INPP4B: variants seen among roughly 807,000 people sequenced by gnomAD.
INPP4B encodes inositol polyphosphate 4-phosphatase type II.
Under a neutral mutation model 122.5 loss-of-function variants are expected in INPP4B, and 55 were observed. The ratio of observed to expected loss-of-function variants is 0.45; its 90% confidence interval spans 0.36 to 0.56. The LOEUF (loss-of-function observed/expected upper bound fraction) is 0.56. INPP4B is among the 20% of genes least tolerant of loss of function. The pLI is 0.00. For synonymous variants in INPP4B, 403 were observed against 388.7 expected, an observed-to-expected ratio of 1.04 and a Z score of -0.43; for missense variants, 1,000 against 1,097.7, an observed-to-expected ratio of 0.91 and a Z score of 1.26.
intron 18 of INPP4B, among the ~76,000 whole-genome samples, chr4:142,133,378 A>G (rs1420381252): frequency 6.6e-6 from 1 of 152,168 alleles, no homozygotes; most frequent in Non-Finnish European, 1.5e-5. Context: ...CTTACCCTAA[A>G]AATAGGTACA....
intron 2 of INPP4B, among the ~76,000 whole-genome samples, chr4:142,527,520 T>G (rs1036424933): frequency 6.6e-6 from 1 of 152,086 alleles, no homozygotes; most frequent in African/African-American, 2.4e-5. Flanking sequence ...GAAGCAACGT[T>G]TCAACAGTCA....
At chr4:142,296,251 T>C (rs2172024) in intron 9 of INPP4B, among the ~76,000 whole-genome samples, 80,684 of 151,960 alleles carry the variant, frequency 0.53, 25,577 homozygotes, top group Non-Finnish European at 0.69. Flanking sequence ...GTTTCCATGG[T>C]CATACCTACA....
At chr4:142,759,825 T>TA (rs70949188) in intron 1 of INPP4B, among the ~76,000 whole-genome samples, 20,605 of 69,920 alleles carry the variant, frequency 0.29, 3,253 homozygotes, top group Non-Finnish European at 0.31. Flanking sequence ...GAGCTTTTTC[T>TA]AAAAAAAAAA....
intron 14 of INPP4B, among the ~76,000 whole-genome samples, chr4:142,197,968 C>T (rs980552722): frequency 2.6e-5 from 4 of 152,002 alleles, no homozygotes; most frequent in Admixed American, 6.6e-5. Context: ...TTAGATTTTC[C>T]ATTAGCTGCA....
At chr4:142,684,258 C>A (rs553930980) in intron 2 of INPP4B, among the ~76,000 whole-genome samples, 1 of 151,970 alleles carries the variant, frequency 6.6e-6, no homozygotes, top group South Asian at 2.1e-4. Context: ...TGAAACGATA[C>A]AAAATGAGAC....
intron 11 of INPP4B, among the ~76,000 whole-genome samples, chr4:142,246,101 T>TACACACATATATATATGTGTATGTATAC (rs1157520179): frequency 3.7e-5 from 5 of 136,964 alleles, no homozygotes; most frequent in African/African-American, 9.3e-5. Context: ...TGTGTGTGTA[T>TACACACATATATATATGTGTATGTATAC]ACACACATAT....
chr4:142,272,203 T>G (rs1210194984), intron 9 of INPP4B, among the ~76,000 whole-genome samples: 2 of 152,118 alleles, frequency 1.3e-5, no homozygotes, highest in African/African-American at 2.4e-5. Flanking sequence ...ATTAAAAGTG[T>G]CAGAAAGCAG....
At position 142,023,541 on chromosome 4, in the gene INPP4B, T is replaced by G. The variant is rs936039886; in HGVS notation, c.*5241A>C. The stretch of plus-strand genomic sequence containing the variant: ...TCATAGTTGTTTAACAAAATATTTT[T>G]AATGTTGATAGTGACATAAAAACAT... On this transcript the variant is annotated 3_prime_UTR_variant, in exon 26 of 26. Coordinates refer to ENST00000262992, the MANE Select transcript of INPP4B (RefSeq NM_001101669.3). 1 of 152,196 alleles carries G rather than the reference T, an allele frequency of 6.6e-6. No individual in the cohort carries two copies. Among genetic ancestry groups the G allele is most frequent in the African/African-American group, 2.4e-5 (1 of 41,452 alleles). The allele number at this position is 152,196 out of a possible 1,614,324, so 9.4% of individuals were successfully genotyped here.
At chr4:142,224,554 A>C (rs529428285) in intron 12 of INPP4B, among the ~76,000 whole-genome samples, 1 of 152,296 alleles carries the variant, frequency 6.6e-6, no homozygotes, top group Non-Finnish European at 1.5e-5. Flanking sequence ...AAGTAAACAC[A>C]GAGAATGTGT....
In INPP4B at chr4:142,028,711, A is replaced by G; in HGVS notation, c.*71T>C. ...CAAATTCATGACAATAAAAACAAAC[A>G]AAAAAGACCAAGGTGAAGATTATCC... On this transcript the variant is annotated 3_prime_UTR_variant, in exon 26 of 26. Coordinates refer to ENST00000262992, the MANE Select transcript of INPP4B (RefSeq NM_001101669.3). 6.7e-7 allele frequency: 1 copy of G among 1,497,330 alleles called. No homozygotes were observed. Among genetic ancestry groups the G allele is most frequent in the East Asian group, 2.3e-5 (1 of 43,496 alleles). 92.8% of individuals were successfully genotyped at this position (1,497,330 alleles called of 1,614,324 possible).
intron 23 of INPP4B, among the ~76,000 whole-genome samples, chr4:142,092,001 T>G (rs10461276): frequency 0.25 from 38,166 of 152,030 alleles, 4,821 homozygotes; most frequent in East Asian, 0.3. Context: ...GACGTCCATT[T>G]GTGTGATCCA....
chr4:142,442,533 A>G (rs2149450581), intron 3 of INPP4B, among the ~76,000 whole-genome samples: 1 of 152,244 alleles, frequency 6.6e-6, no homozygotes, highest in South Asian at 2.1e-4. Flanking sequence ...CAAACCACGG[A>G]CTAGGAAAAT....
At chr4:142,471,613 C>A (rs1818839852) in intron 2 of INPP4B, among the ~76,000 whole-genome samples, 2 of 152,194 alleles carry the variant, frequency 1.3e-5, no homozygotes, top group African/African-American at 4.8e-5. Flanking sequence ...GACGCCTTTG[C>A]CAGCTGTCAA....
chr4:142,802,380 G>A (rs1402360098), intron 1 of INPP4B, among the ~76,000 whole-genome samples: 3 of 152,034 alleles, frequency 2.0e-5, no homozygotes, highest in African/African-American at 7.2e-5. Flanking sequence ...TTTCCTGAAT[G>A]TGAGAACTAA....
At chr4:142,167,020 GACCCAGCGATCTCATTACTGGGTATCT>G (rs1823103613) in intron 16 of INPP4B, among the ~76,000 whole-genome samples, 1 of 151,782 alleles carries the variant, frequency 6.6e-6, no homozygotes. Flanking sequence ...AATACCATCT[GACCCAGCGATCTCATTACTGGGTATCT>G]ACCCAAAGGA....
chr4:142,512,479 ATTTTTCTATACC>A (rs1431613668), intron 2 of INPP4B, among the ~76,000 whole-genome samples: 1 of 152,146 alleles, frequency 6.6e-6, no homozygotes, highest in South Asian at 2.1e-4. Flanking sequence ...GTCTTGGTTG[ATTTTTCTATACC>A]TTTTTCTATA....
At chr4:142,816,392 A>G (rs1780118035) in intron 1 of INPP4B, among the ~76,000 whole-genome samples, 1 of 152,080 alleles carries the variant, frequency 6.6e-6, no homozygotes, top group Non-Finnish European at 1.5e-5. Flanking sequence ...TAAATATTCT[A>G]CCATAGGAAA....
At chr4:142,237,826 A>T (rs28647625) in intron 12 of INPP4B, 38 bp downstream of exon 12, 2 of 1,278,466 alleles carry the variant, frequency 1.6e-6, no homozygotes, top group African/African-American at 1.5e-5. Flanking sequence ...AATGGTATAA[A>T]ATAATTAATA....
At chr4:142,456,032 C>T (rs2149545293) in intron 3 of INPP4B, among the ~76,000 whole-genome samples, 1 of 151,756 alleles carries the variant, frequency 6.6e-6, no homozygotes, top group Middle Eastern at 3.4e-3. Flanking sequence ...TGTTTCAGAT[C>T]CTTATATATT....
Sources: allele counts gnomAD v4.1 joint callset (sites outside exome capture counted in the v4.1 genomes callset), GRCh38; gene constraint gnomAD v4.1.1; transcripts MANE v1.5; gene names NCBI Gene and HGNC (gene_info 2026-07-23, HGNC 2026-07-21).